Variants in TPH2 observed in about 807,000 individuals in gnomAD.
The protein encoded by TPH2 is tryptophan hydroxylase 2, also known as tryptophan 5-hydroxylase 2.
In TPH2, 27 loss-of-function variants were observed where a neutral mutation model predicts 59.1. The ratio of observed to expected loss-of-function variants is 0.46; its 90% CI spans 0.34 to 0.63. The LOEUF is 0.63. Ranked by LOEUF, TPH2 falls within the 30% of genes least tolerant of loss-of-function variation. The probability of loss-of-function intolerance (pLI) is 0.01; values close to 1 mark genes in which losing one functional copy is unlikely to be tolerated. For missense variants in TPH2, 523 were observed against 588.3 expected (o/e 0.89, Z 1.15); for synonymous variants, 220 against 210.5 (o/e 1.05, Z -0.39).
chr12:71,949,930 T>C (rs1481603608), intron 5 of TPH2, among the ~76,000 whole-genome samples: 1 of 152,094 alleles, frequency 6.6e-6, no homozygotes, highest in East Asian at 1.9e-4. Flanking sequence ...CTGTGCACTC[T>C]GCAGGCCTTA....
At chr12:71,949,998 A>T (rs535310736) in intron 5 of TPH2, among the ~76,000 whole-genome samples, 2 of 152,250 alleles carry the variant, frequency 1.3e-5, no homozygotes, top group South Asian at 4.2e-4. Context: ...AACCCCCTTC[A>T]GTCTCCTGCT....
At chr12:71,974,556 C>A (rs1297021889) in intron 6 of TPH2, among the ~76,000 whole-genome samples, 1 of 152,146 alleles carries the variant, frequency 6.6e-6, no homozygotes, top group Admixed American at 6.5e-5. Context: ...ATTGGCCCCA[C>A]CCGAATTATC....
intron 5 of TPH2, chr12:71,961,723 A>T (rs1011121732): frequency 1.5e-6 from 2 of 1,348,244 alleles, no homozygotes; most frequent in Non-Finnish European, 2.0e-6. Context: ...TGCAGATGAA[A>T]ATCACTTCTC....
chr12:72,013,996 G>A (rs2139237685), intron 8 of TPH2, among the ~76,000 whole-genome samples: 1 of 152,310 alleles, frequency 6.6e-6, no homozygotes, highest in Non-Finnish European at 1.5e-5. Flanking sequence ...GAGGCTCGAA[G>A]AGAGTATATG....
chr12:71,970,539 T>C (rs1871944463), intron 5 of TPH2, among the ~76,000 whole-genome samples: 1 of 152,268 alleles, frequency 6.6e-6, no homozygotes, highest in Admixed American at 6.5e-5. Context: ...ATTTCCTTTA[T>C]TGTCTCAGCC....
At chr12:71,944,560 T>A (rs774806208) in intron 3 of TPH2, 26 bp from the exon 4 acceptor site, 1 of 1,613,766 alleles carries the variant, frequency 6.2e-7, no homozygotes, top group Non-Finnish European at 8.5e-7. Flanking sequence ...GAACTAATAT[T>A]TTTGAACCTG....
chr12:72,019,975 C>T (rs1257210400), intron 8 of TPH2, among the ~76,000 whole-genome samples: 1 of 152,176 alleles, frequency 6.6e-6, no homozygotes, highest in African/African-American at 2.4e-5. Flanking sequence ...GGTCATTCTG[C>T]CACATGCCAG....
At chr12:71,977,707 T>C (rs1872159757) in intron 6 of TPH2, among the ~76,000 whole-genome samples, 1 of 152,200 alleles carries the variant, frequency 6.6e-6, no homozygotes, top group South Asian at 2.1e-4. Flanking sequence ...CTGCTTTATG[T>C]CATTCACTTA....
chr12:71,946,780 G>A (rs1871207929), intron 4 of TPH2, among the ~76,000 whole-genome samples: 1 of 152,118 alleles, frequency 6.6e-6, no homozygotes, highest in Non-Finnish European at 1.5e-5. Flanking sequence ...TAAGAGTAAG[G>A]TTGCCGAGGC....
rs1220353007 is a variant in TPH2, at chr12:71,939,792, A to G, written c.105+701A>G. 3.3e-5 allele frequency among the ~76,000 whole-genome samples: 5 copies of G among 152,232 alleles called. No homozygotes were observed. The East Asian group carries it at 9.6e-4, about 29-fold the overall frequency. On this transcript the variant is annotated intron_variant, in intron 1 of 10. Transcript: ENST00000333850. ...ATTTTAGATCCTGCTTTCAGGTAGT[A>G]GTCATGGGATTTAATAAAAACCACG...
chr12:71,993,833 T>C (rs1872633395), intron 7 of TPH2, among the ~76,000 whole-genome samples: 1 of 152,182 alleles, frequency 6.6e-6, no homozygotes, highest in African/African-American at 2.4e-5. Context: ...ACATGACAAA[T>C]TGGATTCCAA....
intron 8 of TPH2, among the ~76,000 whole-genome samples, chr12:72,006,213 G>A (rs1016821419): frequency 1.3e-5 from 2 of 152,120 alleles, no homozygotes; most frequent in Non-Finnish European, 2.9e-5. Flanking sequence ...GCTGGATGAG[G>A]TTAAAGAGAA....
chr12:71,972,824 A>T, intron 6 of TPH2, 109 bp downstream of exon 6: 1 of 1,243,808 alleles, frequency 8.0e-7, no homozygotes, highest in Middle Eastern at 2.1e-4. Flanking sequence ...ACAGTGATTT[A>T]AAAAATTGTT....
intron 7 of TPH2, among the ~76,000 whole-genome samples, chr12:71,982,205 A>G (rs79395884): frequency 0.19 from 29,186 of 151,214 alleles, 3,256 homozygotes; most frequent in East Asian, 0.34. Context: ...GGGTTTTGCT[A>G]TATTGGCCAG....
intron 7 of TPH2, among the ~76,000 whole-genome samples, chr12:71,988,344 T>C (rs925969189): frequency 1.3e-5 from 2 of 152,092 alleles, no homozygotes; most frequent in Admixed American, 1.3e-4. Context: ...TACCCGAGAC[T>C]GGGAAATTTG....
chr12:72,026,205 T>TTC (rs1873563909), intron 9 of TPH2, among the ~76,000 whole-genome samples: 1 of 146,464 alleles, frequency 6.8e-6, no homozygotes, highest in Admixed American at 6.8e-5. Flanking sequence ...GAGATTAGAT[T>TTC]TTTTTTTTTT....
intron 5 of TPH2, among the ~76,000 whole-genome samples, chr12:71,963,892 G>A (rs11179011): frequency 0.23 from 11,118 of 49,306 alleles, 4,914 homozygotes; most frequent in East Asian, 0.69. Flanking sequence ...AAGACCAATC[G>A]AATTAAGTGA....
intron 8 of TPH2, among the ~76,000 whole-genome samples, chr12:72,006,519 G>A (rs996798228): frequency 3.3e-5 from 5 of 152,114 alleles, no homozygotes; most frequent in African/African-American, 4.8e-5. Context: ...ATCATCTGGG[G>A]AAAGGTAGGG....
At position 72,005,081 on chromosome 12, in the gene TPH2, T is replaced by A. The variant is rs185768017; in HGVS notation, c.1068+10516T>A. The stretch of plus-strand genomic sequence containing the variant: ...TAAGGATGGGCATTTCTGGACTGTT[T>A]CTGATGGGTGAATTTCACACTGGGG... On this transcript the variant is annotated intron_variant, in intron 8 of 10. Transcript: ENST00000333850. 1.9e-3 allele frequency among the ~76,000 whole-genome samples: 283 copies of A among 152,280 alleles called. 1 individual carries two copies. The highest frequency in any genetic ancestry group is 3.3e-3 in the Non-Finnish European group (226 of 68,012).
Sources: allele counts gnomAD v4.1 joint callset (sites outside exome capture counted in the v4.1 genomes callset), GRCh38; gene constraint gnomAD v4.1.1; transcripts MANE v1.5; gene names NCBI Gene and HGNC (gene_info 2026-07-23, HGNC 2026-07-21).